RAB11FIP4: variants seen among roughly 807,000 people sequenced by gnomAD.
RAB11FIP4 encodes rab11 family-interacting protein 4.
A neutral mutation model predicts 74.3 loss-of-function variants in RAB11FIP4; 23 were observed. That is an observed-to-expected ratio of 0.31 (90% CI 0.22 to 0.44). RAB11FIP4 has a LOEUF of 0.44. Ranked by LOEUF, RAB11FIP4 falls within the 20% of genes least tolerant of loss-of-function variation. The pLI, the probability that RAB11FIP4 is intolerant of heterozygous loss-of-function variation, is 1.00. For synonymous variants in RAB11FIP4, 360 were observed against 359.9 expected, an observed-to-expected ratio of 1.00 and a Z score of 0.00; for missense variants, 630 against 863.9, an observed-to-expected ratio of 0.73 and a Z score of 3.39.
intron 3 of RAB11FIP4, among the ~76,000 whole-genome samples, chr17:31,458,247 T>C (rs2071598877): frequency 6.6e-6 from 1 of 152,082 alleles, no homozygotes; most frequent in African/African-American, 2.4e-5. Context: ...CTCTCCTCAC[T>C]CCCTCCACCC....
chr17:31,483,760 G>A (rs2071873808), intron 3 of RAB11FIP4, among the ~76,000 whole-genome samples: 1 of 152,132 alleles, frequency 6.6e-6, no homozygotes, highest in South Asian at 2.1e-4. Flanking sequence ...ATTAGGTAAT[G>A]TTCAGAAGGG....
chr17:31,500,751 A>G (rs995843035), intron 3 of RAB11FIP4, among the ~76,000 whole-genome samples: 3 of 152,190 alleles, frequency 2.0e-5, no homozygotes, highest in Non-Finnish European at 4.4e-5. Context: ...GTGGCTGGGC[A>G]TGGTGGCTCA....
rs931030503 is a variant in RAB11FIP4 at position 31,391,903 on chromosome 17, C to G, written c.51C>G (p.Ser17=). The change falls in exon 1 of 15, where the codon TCC becomes TCG. Residue 17 remains serine (S), a synonymous_variant. Transcript: ENST00000621161. ...WSGAPAALLR[S]VRRLREVFEV... The stretch of plus-strand genomic sequence containing the variant: ...GCGCCCCCGCGGCTCTGCTGCGCTC[C>G]GTGCGCCGCCTGCGCGAGGTGTTCG... 7.6e-7 allele frequency: 1 copy of G among 1,319,404 alleles called. No individual in the cohort carries two copies. The highest frequency in any genetic ancestry group is 9.7e-7 in the Non-Finnish European group (1 of 1,031,452). 81.7% of individuals were successfully genotyped at this position (1,319,404 alleles called of 1,614,324 possible).
intron 1 of RAB11FIP4, among the ~76,000 whole-genome samples, chr17:31,416,093 C>T (rs941464916): frequency 5.9e-5 from 9 of 152,218 alleles, no homozygotes; most frequent in African/African-American, 1.2e-4. Flanking sequence ...AGGCAGAGCC[C>T]GCTCTCTCGG....
Position 31,449,397 on chromosome 17 carries a change from C to T in RAB11FIP4, c.336+15275C>T, listed in dbSNP as rs371539752. Among the ~76,000 whole-genome samples, 12 of 152,256 alleles carry T rather than the reference C, an allele frequency of 7.9e-5. No individual in the cohort carries two copies. In the East Asian group the frequency reaches 1.5e-3, roughly 20 times the overall value. On this transcript the variant is annotated intron_variant, in intron 3 of 14. Transcript: ENST00000621161. ...CTTCCCATGGGCAGGGAAGCACCCG[C>T]TTGACCACACATCCTGGCTTTCTTT...
chr17:31,410,700 C>T (rs1439896268), intron 1 of RAB11FIP4, among the ~76,000 whole-genome samples: 2 of 152,184 alleles, frequency 1.3e-5, no homozygotes, highest in Admixed American at 6.5e-5. Flanking sequence ...GGGGTGATGG[C>T]ACAGCCCTTC....
intron 3 of RAB11FIP4, among the ~76,000 whole-genome samples, chr17:31,481,600 G>C (rs2071850036): frequency 6.6e-6 from 1 of 152,154 alleles, no homozygotes; most frequent in South Asian, 2.1e-4. Context: ...ATGTTACCAA[G>C]AGTAGAGGAA....
At position 31,480,880 on chromosome 17, in the gene RAB11FIP4, C is replaced by T. The variant is rs1019771646; in HGVS notation, c.337-36771C>T. 1.5e-4 allele frequency among the ~76,000 whole-genome samples: 22 copies of T among 150,972 alleles called. No homozygotes were observed. In the East Asian group the frequency reaches 4.3e-3, roughly 29 times the overall value. On this transcript the variant is annotated intron_variant, in intron 3 of 14. Transcript: ENST00000621161. ...GCCCATACCCTGCTTTGTTTTTCTTCAGAGCACATATTATATATGTCACTC... is the reference window on the plus strand; with the variant it reads ...GCCCATACCCTGCTTTGTTTTTCTTTAGAGCACATATTATATATGTCACTC...
chr17:31,511,912 G>A (rs929421031), intron 3 of RAB11FIP4, among the ~76,000 whole-genome samples: 4 of 152,182 alleles, frequency 2.6e-5, no homozygotes, highest in East Asian at 1.9e-4. Context: ...AGGGCCCCAC[G>A]GCAGGCTGTG....
intron 3 of RAB11FIP4, among the ~76,000 whole-genome samples, chr17:31,494,484 C>A (rs75597204): frequency 5.8e-4 from 89 of 152,232 alleles, no homozygotes; most frequent in African/African-American, 2.1e-3. Context: ...TAATAACCTT[C>A]GCACCTAACA....
At chr17:31,490,032 G>T (rs560781194) in intron 3 of RAB11FIP4, among the ~76,000 whole-genome samples, 8 of 152,224 alleles carry the variant, frequency 5.3e-5, no homozygotes, top group Admixed American at 4.6e-4. Flanking sequence ...GGCAAGTGGG[G>T]GAGGAAAAGC....
At chr17:31,435,177 C>G (rs1384137817) in intron 3 of RAB11FIP4, among the ~76,000 whole-genome samples, 1 of 152,138 alleles carries the variant, frequency 6.6e-6, no homozygotes, top group Non-Finnish European at 1.5e-5. Context: ...GTGACAGGGC[C>G]AGACTCATCT....
intron 3 of RAB11FIP4, among the ~76,000 whole-genome samples, chr17:31,458,414 T>G (rs1241825905): frequency 1.3e-5 from 2 of 152,148 alleles, no homozygotes; most frequent in African/African-American, 4.8e-5. Flanking sequence ...GGAGGCAAGA[T>G]TCTCCCAGCC....
intron 2 of RAB11FIP4, among the ~76,000 whole-genome samples, chr17:31,433,050 G>C (rs570879332): frequency 6.6e-6 from 1 of 152,162 alleles, no homozygotes; most frequent in Non-Finnish European, 1.5e-5. Flanking sequence ...GGAGGCTAAG[G>C]TGGGAGGATC....
In RAB11FIP4 at chr17:31,532,195, T is replaced by C. The variant is rs2072883603; in HGVS notation, c.*463T>C. On this transcript the variant is annotated 3_prime_UTR_variant, in exon 15 of 15. Coordinates refer to ENST00000621161, the MANE Select transcript of RAB11FIP4 (RefSeq NM_032932.6). ...CTTTCCTAGGAGTTTGAATGCCCCATATTTGTGTCCTCGCCAGCTCTTTGG... is the reference window on the plus strand; with the variant it reads ...CTTTCCTAGGAGTTTGAATGCCCCACATTTGTGTCCTCGCCAGCTCTTTGG... The C allele has an allele frequency of 6.4e-6, 1 of 157,080 alleles. No individual in the cohort carries two copies. Among genetic ancestry groups the C allele is most frequent in the African/African-American group, 2.4e-5 (1 of 41,502 alleles). 9.7% of individuals were successfully genotyped at this position (157,080 alleles called of 1,614,324 possible). A position where few individuals can be genotyped will look rare whatever the true frequency, so the allele number is the denominator to read the frequency against.
At chr17:31,457,315 T>G (rs2071588199) in intron 3 of RAB11FIP4, among the ~76,000 whole-genome samples, 2 of 152,064 alleles carry the variant, frequency 1.3e-5, no homozygotes, top group African/African-American at 4.8e-5. Context: ...TCACTGACGT[T>G]GACTGAGGGC....
chr17:31,491,338 C>T (rs1294563685), intron 3 of RAB11FIP4, among the ~76,000 whole-genome samples: 1 of 152,178 alleles, frequency 6.6e-6, no homozygotes, highest in Non-Finnish European at 1.5e-5. Context: ...CTGTGCTGGG[C>T]ACTGGAGATA....
At chr17:31,503,968 T>G (rs2072269286) in intron 3 of RAB11FIP4, among the ~76,000 whole-genome samples, 1 of 149,600 alleles carries the variant, frequency 6.7e-6, no homozygotes, top group South Asian at 2.1e-4. Context: ...TCAACATCAT[T>G]GATCATCAGA....
intron 3 of RAB11FIP4, 146 bp from the exon 4 acceptor site, chr17:31,517,505 T>C: frequency 1.4e-6 from 1 of 696,478 alleles, no homozygotes; most frequent in Non-Finnish European, 2.5e-6. Flanking sequence ...ACCTGCCAGG[T>C]GTTCCCACGC....
Sources: allele counts gnomAD v4.1 joint callset (sites outside exome capture counted in the v4.1 genomes callset), GRCh38; gene constraint gnomAD v4.1.1; transcripts MANE v1.5; gene names NCBI Gene and HGNC (gene_info 2026-07-23, HGNC 2026-07-21).